Variants in NEBL observed in about 807,000 individuals in gnomAD.
NEBL encodes LIM and SH3 protein 2.
A neutral mutation model predicts 140.2 loss-of-function variants in NEBL; 122 were observed. The ratio of observed to expected loss-of-function variants is 0.87; its 90% CI spans 0.75 to 1.01. The LOEUF is 1.01. NEBL is among the 50% of genes least tolerant of loss of function. The probability of loss-of-function intolerance (pLI) is 0.00; values close to 1 mark genes in which losing one functional copy is unlikely to be tolerated. For synonymous variants in NEBL, 436 were observed against 398.9 expected (o/e 1.09, Z -1.11); for missense variants, 1,365 against 1,231.3 (o/e 1.11, Z -1.62).
intron 11 of NEBL, among the ~76,000 whole-genome samples, chr10:20,849,083 A>G (rs1455072632): frequency 1.3e-5 from 2 of 152,250 alleles, no homozygotes; most frequent in East Asian, 3.9e-4. Context: ...TCAAGGTTGT[A>G]TTGGACTGAG....
intron 3 of NEBL, among the ~76,000 whole-genome samples, chr10:20,979,356 C>T (rs1421569166): frequency 6.6e-6 from 1 of 151,660 alleles, no homozygotes; most frequent in Admixed American, 6.6e-5. Context: ...GAAAAATGTA[C>T]ACCAAAATGC....
intron 4 of NEBL, among the ~76,000 whole-genome samples, chr10:20,881,677 T>G (rs1458207884): frequency 6.6e-6 from 1 of 152,228 alleles, no homozygotes; most frequent in Non-Finnish European, 1.5e-5. Context: ...CTATCTTCCC[T>G]TACTAAACAC....
chr10:21,184,494 T>C (rs866633262), intron 3 of NEBL, among the ~76,000 whole-genome samples: 1 of 152,176 alleles, frequency 6.6e-6, no homozygotes, highest in African/African-American at 2.4e-5. Flanking sequence ...AACAACCAAG[T>C]GTCCTTCAGC....
intron 5 of NEBL, among the ~76,000 whole-genome samples, chr10:20,877,847 C>G (rs911954598): frequency 6.6e-6 from 1 of 152,164 alleles, no homozygotes; most frequent in Non-Finnish European, 1.5e-5. Flanking sequence ...TGCACTCTGC[C>G]ACGAGGCACA....
chr10:20,824,702 T>C (rs1839667121), intron 18 of NEBL, among the ~76,000 whole-genome samples: 1 of 152,152 alleles, frequency 6.6e-6, no homozygotes, highest in African/African-American at 2.4e-5. Flanking sequence ...TGTGGGATGC[T>C]AAGAGAAGAA....
chr10:21,100,946 C>G (rs112919813), intron 2 of NEBL, among the ~76,000 whole-genome samples: 11 of 152,232 alleles, frequency 7.2e-5, no homozygotes, highest in African/African-American at 2.6e-4. Flanking sequence ...TTGTTTTAAT[C>G]GAAGTTTCCA....
At chr10:20,828,311 C>A (rs71578943) in intron 17 of NEBL, among the ~76,000 whole-genome samples, 1 of 151,026 alleles carries the variant, frequency 6.6e-6, no homozygotes, top group Non-Finnish European at 1.5e-5. Flanking sequence ...TCATTTATAC[C>A]GAAGAGGAAA....
At chr10:20,829,274 A>C (rs951747199) in intron 16 of NEBL, among the ~76,000 whole-genome samples, 4 of 152,116 alleles carry the variant, frequency 2.6e-5, no homozygotes, top group African/African-American at 7.2e-5. Context: ...TGATGAGTTC[A>C]TGTCCTTTGT....
intron 2 of NEBL, among the ~76,000 whole-genome samples, chr10:21,080,343 T>A (rs1421640777): frequency 6.6e-6 from 1 of 152,246 alleles, no homozygotes; most frequent in African/African-American, 2.4e-5. Flanking sequence ...ATGAGACATA[T>A]ATTTTTGACT....
chr10:21,187,662 C>T (rs1329595107), intron 3 of NEBL, among the ~76,000 whole-genome samples: 2 of 151,938 alleles, frequency 1.3e-5, no homozygotes, highest in African/African-American at 2.4e-5. Flanking sequence ...TACAGGTGTG[C>T]ACCACCATGC....
intron 1 of NEBL, among the ~76,000 whole-genome samples, chr10:21,257,198 G>A (rs2132277342): frequency 6.6e-6 from 1 of 152,310 alleles, no homozygotes; most frequent in South Asian, 2.1e-4. Context: ...AAAGGATAAA[G>A]TTTCAATGTG....
intron 3 of NEBL, among the ~76,000 whole-genome samples, chr10:21,182,086 G>T (rs1391957513): frequency 6.6e-6 from 1 of 151,704 alleles, no homozygotes; most frequent in Non-Finnish European, 1.5e-5. Context: ...GGAGGGCTAA[G>T]ACTCATTTTA....
chr10:21,277,610 A>G (rs559663309), intron 1 of NEBL, among the ~76,000 whole-genome samples: 2 of 152,190 alleles, frequency 1.3e-5, no homozygotes, highest in Non-Finnish European at 2.9e-5. Flanking sequence ...GGGACAGAAC[A>G]TACAGTTAGT....
chr10:20,787,056 A>G, intron 27 of NEBL, 146 bp downstream of exon 27: 1 of 783,452 alleles, frequency 1.3e-6, no homozygotes, highest in South Asian at 1.5e-5. Context: ...CTTCCTTCAA[A>G]AGAGTTGTAT....
intron 1 of NEBL, among the ~76,000 whole-genome samples, chr10:21,276,260 C>G (rs1240760407): frequency 6.6e-6 from 1 of 152,116 alleles, no homozygotes; most frequent in Non-Finnish European, 1.5e-5. Flanking sequence ...GCGTGAGCCA[C>G]CACGCCCAGC....
intron 4 of NEBL, among the ~76,000 whole-genome samples, chr10:20,920,145 C>T (rs1268500533): frequency 6.6e-6 from 1 of 152,088 alleles, no homozygotes; most frequent in Non-Finnish European, 1.5e-5. Context: ...CAAAGTTTAA[C>T]AACGTATTCT....
Position 20,787,214 on chromosome 10 carries a change from A to G in NEBL, c.2856T>C (p.His952=). 1 of 1,611,406 alleles carries G rather than the reference A, an allele frequency of 6.2e-7. No individual in the cohort carries two copies. The highest frequency in any genetic ancestry group is 1.1e-5 in the South Asian group (1 of 90,608). ...TSVSSMRSMQ[H]SPNLRTYRAM... ...AATGGACACTTACTAGATTTGGTGA[A>G]TGCTGCATTGATCTCATGGATGACA... is the stretch of plus-strand genomic sequence containing the variant. Residue 952 remains histidine (H), a synonymous_variant, in exon 27 of 28, where the codon CAT becomes CAC. Transcript: ENST00000377122.
Position 20,831,552 on chromosome 10 carries a change from AT to A in NEBL, c.1480del (p.Ile494LeufsTer8). Reference sequence around the variant, plus strand: ...GCTCACCTGCATCCCTTTCCCTTTAATTTCAGTCTCCAGATCTCTTTTATAG... The same window carrying A: ...GCTCACCTGCATCCCTTTCCCTTTAATTCAGTCTCCAGATCTCTTTTATAG... ...KDYKRDLETEIKGKGMQVSTD... is the reference protein window; with the variant it reads ...KDYKRDLETEXKGKGMQVSTD... On this transcript the variant is annotated frameshift_variant, in exon 15 of 28. Coordinates refer to ENST00000377122, the MANE Select transcript of NEBL (RefSeq NM_006393.3). LOFTEE classifies it high-confidence loss of function. 1 of 1,611,050 alleles carries A rather than the reference AT, an allele frequency of 6.2e-7. No homozygotes were observed. The highest frequency in any genetic ancestry group is 1.3e-5 in the African/African-American group (1 of 74,542).
chr10:21,250,633 G>A (rs1414980701), intron 2 of NEBL, among the ~76,000 whole-genome samples: 5 of 151,968 alleles, frequency 3.3e-5, no homozygotes, highest in Admixed American at 1.3e-4. Flanking sequence ...AAACCTGGCC[G>A]GGCTCGGTGG....
Sources: allele counts gnomAD v4.1 joint callset (sites outside exome capture counted in the v4.1 genomes callset), GRCh38; gene constraint gnomAD v4.1.1; transcripts MANE v1.5; gene names NCBI Gene and HGNC (gene_info 2026-07-23, HGNC 2026-07-21).